COL12A1: variants seen among roughly 807,000 people sequenced by gnomAD.
COL12A1 encodes collagen alpha-1(XII) chain.
Under a neutral mutation model 349.7 loss-of-function variants are expected in COL12A1, and 114 were observed. The ratio of observed to expected loss-of-function variants is 0.33; its 90% CI spans 0.28 to 0.38. COL12A1 has a LOEUF of 0.38. Ranked by LOEUF, COL12A1 falls within the 10% of genes least tolerant of loss-of-function variation. COL12A1 has a pLI of 1.00. For missense variants in COL12A1, 3,284 were observed against 3,756.9 expected, an observed-to-expected ratio of 0.87 and a Z score of 3.29; for synonymous variants, 1,369 against 1,329.0, an observed-to-expected ratio of 1.03 and a Z score of -0.66.
At chr6:75,112,666 TA>T (rs1768895135) in intron 51 of COL12A1, among the ~76,000 whole-genome samples, 2 of 151,762 alleles carry the variant, frequency 1.3e-5, no homozygotes, top group South Asian at 4.1e-4. Flanking sequence ...ACATAAAAAT[TA>T]ATCTCATAAA....
At chr6:75,177,166 G>A (rs1336309257) in intron 12 of COL12A1, among the ~76,000 whole-genome samples, 1 of 152,152 alleles carries the variant, frequency 6.6e-6, no homozygotes, top group African/African-American at 2.4e-5. Flanking sequence ...GCCGGGCGTG[G>A]TGGCTCACGT....
At position 75,184,099 on chromosome 6, in the gene COL12A1, T is replaced by A. The variant is rs1769481432; in HGVS notation, c.1043A>T (p.Lys348Ile). Residue 348 changes from lysine to isoleucine, a missense_variant, in exon 9 of 66, where the codon AAA becomes ATA. Transcript: ENST00000322507. ...TGGATTCCAATTTAGCTTAACATAT[T>A]TTGAAGAGACTTCCATGGCAATCAA... Reference protein sequence around the residue: ...SNLIAMEVSSKYVKLNWNPSP... With the variant: ...SNLIAMEVSSIYVKLNWNPSP... The A allele has an allele frequency of 6.2e-7, 1 of 1,614,026 alleles. No homozygotes were observed. Among genetic ancestry groups the A allele is most frequent in the Non-Finnish European group, 8.5e-7 (1 of 1,180,020 alleles).
In COL12A1 at chr6:75,109,090, T is replaced by C; in HGVS notation, c.8028A>G (p.Glu2676=). 6.2e-7 allele frequency: 1 copy of C among 1,611,790 alleles called. No homozygotes were observed. The highest frequency in any genetic ancestry group is 1.1e-5 in the South Asian group (1 of 90,860). The change falls in exon 52 of 66, where the codon GAA becomes GAG. Residue 2676 remains glutamate, a synonymous_variant. Coordinates refer to ENST00000322507, the MANE Select transcript of COL12A1 (RefSeq NM_004370.6). ...CYEIIEKDIK[E]AGNITTDGYE... is the part of the protein sequence containing the mutation. ...AACCATCAGTTGTTATATTTCCAGC[T>C]TCCTTGATGTCTTTTTCTATAATTT...
intron 60 of COL12A1, among the ~76,000 whole-genome samples, chr6:75,094,328 A>T (rs1385399456): frequency 6.6e-6 from 1 of 152,024 alleles, no homozygotes; most frequent in Non-Finnish European, 1.5e-5. Flanking sequence ...TGTCTTTAAG[A>T]TAAATTTTTA....
chr6:75,108,878 GT>G, intron 52 of COL12A1, 139 bp downstream of exon 52: 1 of 842,008 alleles, frequency 1.2e-6, no homozygotes, highest in Non-Finnish European at 1.9e-6. Flanking sequence ...TTCTTCCAAT[GT>G]TTTGATCTGA....
In COL12A1 at chr6:75,103,761, G is replaced by GC; in HGVS notation, c.8314dup (p.Ala2772GlyfsTer42). The stretch of plus-strand genomic sequence containing the variant: ...TGCACTCTAAAATATACTTACAATT[G>GC]CCCCACTGATACCTCTTTCACCTCT... On this transcript the variant is annotated frameshift_variant, in exon 55 of 66. Coordinates refer to ENST00000322507, the MANE Select transcript of COL12A1 (RefSeq NM_004370.6). LOFTEE classifies it high-confidence loss of function. 1 of 1,612,686 alleles carries GC rather than the reference G, an allele frequency of 6.2e-7. No individual in the cohort carries two copies. Among genetic ancestry groups the GC allele is most frequent in the Non-Finnish European group, 8.5e-7 (1 of 1,178,840 alleles).
Position 75,184,051 on chromosome 6 carries a change from T to C in COL12A1, c.1091A>G (p.Tyr364Cys). 6.2e-7 allele frequency: 1 copy of C among 1,614,192 alleles called. No individual in the cohort carries two copies. Among genetic ancestry groups the C allele is most frequent in the East Asian group, 2.2e-5 (1 of 44,894 alleles). Residue 364 changes from tyrosine to cysteine, a missense_variant, in exon 9 of 66, where the codon TAC becomes TGC. By Grantham distance (194) the Tyr-to-Cys change is radical. Transcript: ENST00000322507. ...AGTCATTGGTGTGAGGATGACTTTG[T>C]AGCCAGTCACTGGACTAGGAGATGG... ...WNPSPSPVTG[Y>C]KVILTPMTAG...
chr6:75,139,808 C>T (rs1431272452), intron 27 of COL12A1, among the ~76,000 whole-genome samples: 2 of 152,208 alleles, frequency 1.3e-5, no homozygotes, highest in Non-Finnish European at 2.9e-5. Flanking sequence ...TCCCCTTTCA[C>T]AACCCCTCCA....
In COL12A1 at chr6:75,089,094, T is replaced by C. The variant is rs2149325280; in HGVS notation, c.9010+12A>G. On this transcript the variant is annotated intron_variant, in intron 64 of 65. Transcript: ENST00000322507. ...TATAGTCTTTGCCTGTTTAAAATAC[T>C]AGCAAACCTACCTGGGGGGCCAGGC... 6.2e-7 allele frequency: 1 copy of C among 1,601,822 alleles called. No homozygotes were observed. Among genetic ancestry groups the C allele is most frequent in the Non-Finnish European group, 8.5e-7 (1 of 1,171,464 alleles).
Position 75,124,250 on chromosome 6 carries a change from C to T in COL12A1, c.6724+5G>A, listed in dbSNP as rs746208956. The T allele has an allele frequency of 1.9e-6, 3 of 1,610,578 alleles. No individual in the cohort carries two copies. In the South Asian group the frequency reaches 3.3e-5, roughly 18 times the overall value. Reference sequence around the variant, plus strand: ...AGATCATTTTTTTCTTTTTTACACACATACCATCTGCAGGGCTTAGTTTTA... The same window carrying T: ...AGATCATTTTTTTCTTTTTTACACATATACCATCTGCAGGGCTTAGTTTTA... On this transcript the variant is annotated splice_donor_5th_base_variant and intron_variant, in intron 41 of 65. Transcript: ENST00000322507.
At position 75,137,480 on chromosome 6, in the gene COL12A1, C is replaced by G; in HGVS notation, c.5351G>C (p.Arg1784Thr). ...DPASGRVQKY[R>T]ITYQPSTGEG... ...CCCTGTGGAAGGCTGATAAGTGATC[C>G]TATATTTCTGCACACGACCACTAGC... Residue 1784 changes from arginine to threonine, a missense_variant, in exon 31 of 66, where the codon AGG becomes ACG. Coordinates refer to ENST00000322507, the MANE Select transcript of COL12A1 (RefSeq NM_004370.6). 1 of 1,613,422 alleles carries G rather than the reference C, an allele frequency of 6.2e-7. No individual in the cohort carries two copies. The highest frequency in any genetic ancestry group is 8.5e-7 in the Non-Finnish European group (1 of 1,179,678).
In COL12A1 at chr6:75,090,404, A is replaced by G. The variant is rs190227153; in HGVS notation, c.8753-106T>C. On this transcript the variant is annotated intron_variant, in intron 62 of 65. Coordinates refer to ENST00000322507, the MANE Select transcript of COL12A1 (RefSeq NM_004370.6). This position sits in a 1 kb window ranked among gnomAD's most constrained non-coding sequence, Gnocchi z 4.1. Reference sequence around the variant, plus strand: ...TAGTGAAATCCATCTCCATTCTGCAACCCCTCTAAGGAAACAATCTAATTA... The same window carrying G: ...TAGTGAAATCCATCTCCATTCTGCAGCCCCTCTAAGGAAACAATCTAATTA... 3.5e-5 allele frequency: 38 copies of G among 1,073,752 alleles called. No homozygotes were observed. The Admixed American group carries it at 5.8e-4, about 16-fold the overall frequency. 66.5% of individuals were successfully genotyped at this position (1,073,752 alleles called of 1,614,324 possible). A position where few individuals can be genotyped will look rare whatever the true frequency, so the allele number is the denominator to read the frequency against.
At chr6:75,143,106 G>T in intron 26 of COL12A1, 146 bp downstream of exon 26, 1 of 865,850 alleles carries the variant, frequency 1.2e-6, no homozygotes, top group Non-Finnish European at 1.7e-6. Context: ...TTCAAAAACT[G>T]CTTTATTAAT....
intron 65 of COL12A1, 91 bp from the exon 66 acceptor site, chr6:75,086,648 GTATATA>G (rs61611291): frequency 5.6e-3 from 1,597 of 287,118 alleles, no homozygotes; most frequent in Middle Eastern, 0.01. Context: ...AATGGTTAAA[GTATATA>G]TATATATATA....
intron 53 of COL12A1, among the ~76,000 whole-genome samples, chr6:75,106,011 G>C (rs189498619): frequency 6.6e-6 from 1 of 152,108 alleles, no homozygotes; most frequent in African/African-American, 2.4e-5. Context: ...CACCTACATA[G>C]ATACTATTAA....
chr6:75,116,636 A>G (rs1400805667), intron 47 of COL12A1, among the ~76,000 whole-genome samples: 1 of 152,162 alleles, frequency 6.6e-6, no homozygotes, highest in African/African-American at 2.4e-5. Flanking sequence ...ATAAATTTTC[A>G]TAGTAAACCA....
chr6:75,196,864 C>T (rs1182120762), intron 2 of COL12A1, among the ~76,000 whole-genome samples: 1 of 152,216 alleles, frequency 6.6e-6, no homozygotes, highest in Non-Finnish European at 1.5e-5. Context: ...TGCTGAAGGG[C>T]AGTAGCAGCC....
At chr6:75,174,373 G>A (rs1398817132) in intron 13 of COL12A1, among the ~76,000 whole-genome samples, 2 of 152,012 alleles carry the variant, frequency 1.3e-5, no homozygotes, top group Non-Finnish European at 2.9e-5. Flanking sequence ...TGGCTAACAT[G>A]GTGAAACCCC....
At chr6:75,137,131 G>T (rs1174870818) in intron 31 of COL12A1, among the ~76,000 whole-genome samples, 1 of 152,116 alleles carries the variant, frequency 6.6e-6, no homozygotes, top group Non-Finnish European at 1.5e-5. Flanking sequence ...AAAACTATCT[G>T]GATATCGTCA....
Sources: allele counts gnomAD v4.1 joint callset (sites outside exome capture counted in the v4.1 genomes callset), GRCh38; gene constraint gnomAD v4.1.1; non-coding constraint Gnocchi (gnomAD v3.1); transcripts MANE v1.5; gene names NCBI Gene and HGNC (gene_info 2026-07-23, HGNC 2026-07-21).